The following TULP4 variants were observed in gnomAD, a reference collection of about 807,000 sequenced individuals.
TULP4 encodes the protein TUB like protein 4.
A neutral mutation model predicts 129.0 loss-of-function variants in TULP4; 16 were observed. The ratio of observed to expected loss-of-function variants is 0.12; its 90% CI spans 0.08 to 0.19. The LOEUF (loss-of-function observed/expected upper bound fraction) is 0.19, where lower values mean the gene tolerates loss of function less well. TULP4 is among the 10% of genes least tolerant of loss of function. The probability of loss-of-function intolerance (pLI) is 1.00; values close to 1 mark genes in which losing one functional copy is unlikely to be tolerated. For synonymous variants in TULP4, 998 were observed against 854.0 expected, an observed-to-expected ratio of 1.17 and a Z score of -2.94; for missense variants, 1,842 against 2,059.1, an observed-to-expected ratio of 0.89 and a Z score of 2.04.
intron 1 of TULP4, among the ~76,000 whole-genome samples, chr6:158,334,149 A>T (rs1398400010): frequency 6.6e-6 from 1 of 152,314 alleles, no homozygotes; most frequent in East Asian, 1.9e-4. Context: ...TTCGTGCAAT[A>T]CTGTAAACCT....
chr6:158,461,511 G>T, intron 5 of TULP4, 52 bp from the exon 6 acceptor site: 1 of 1,565,222 alleles, frequency 6.4e-7, no homozygotes, highest in South Asian at 1.2e-5. Flanking sequence ...TTGCTGAGTG[G>T]CAGTTTGAGG....
At chr6:158,467,694 C>T (rs988552991) in intron 6 of TULP4, among the ~76,000 whole-genome samples, 1 of 152,308 alleles carries the variant, frequency 6.6e-6, no homozygotes, top group Middle Eastern at 3.4e-3. Context: ...TTCATTGTGC[C>T]TTAAAAAGAT....
At chr6:158,478,139 C>G (rs1779863764) in intron 6 of TULP4, among the ~76,000 whole-genome samples, 1 of 152,124 alleles carries the variant, frequency 6.6e-6, no homozygotes. Context: ...AGAAAAAATG[C>G]CTGTCGGGTA....
At chr6:158,495,489 G>T (rs1234780169) in intron 11 of TULP4, among the ~76,000 whole-genome samples, 2 of 152,212 alleles carry the variant, frequency 1.3e-5, no homozygotes, top group Non-Finnish European at 2.9e-5. Flanking sequence ...GCCTTTTGCT[G>T]TGGGCGGATT....
intron 5 of TULP4, among the ~76,000 whole-genome samples, chr6:158,452,630 G>T (rs993429409): frequency 6.6e-6 from 1 of 152,200 alleles, no homozygotes; most frequent in African/African-American, 2.4e-5. Context: ...AGCAGATGGT[G>T]CACAAGACAT....
chr6:158,346,618 A>G (rs1433639745), intron 1 of TULP4, among the ~76,000 whole-genome samples: 2 of 152,364 alleles, frequency 1.3e-5, no homozygotes, highest in South Asian at 2.1e-4. Context: ...TAAAAAAAGC[A>G]TCTGTAACTT....
chr6:158,387,802 C>G (rs891115131), intron 1 of TULP4, among the ~76,000 whole-genome samples: 1 of 152,192 alleles, frequency 6.6e-6, no homozygotes, highest in African/African-American at 2.4e-5. Context: ...GAGCAAGACT[C>G]TAAAGCCACC....
At chr6:158,412,977 A>G in intron 1 of TULP4, 88 bp from the exon 2 acceptor site, 2 of 1,496,778 alleles carry the variant, frequency 1.3e-6, no homozygotes, top group Admixed American at 2.1e-5. Flanking sequence ...ACTGCATTCT[A>G]ATTAGTTCAA....
At chr6:158,270,294 C>T (rs549098391) in intron 1 of TULP4, among the ~76,000 whole-genome samples, 1 of 152,344 alleles carries the variant, frequency 6.6e-6, no homozygotes, top group South Asian at 2.1e-4. Context: ...GCATCATCAT[C>T]TGAAGACCCT....
At position 158,502,105 on chromosome 6, in the gene TULP4, G is replaced by A. The variant is rs1171105220; in HGVS notation, c.2442G>A (p.Glu814=). 1.9e-6 allele frequency: 3 copies of A among 1,610,786 alleles called. No homozygotes were observed. Among genetic ancestry groups the A allele is most frequent in the South Asian group, 2.2e-5 (2 of 90,474 alleles). ...ALRPTPQLAA[E]GDAVVFSAPQ... is the part of the protein sequence containing the mutation. ...GGCCAACACCGCAGCTGGCAGCTGA[G>A]GGGGACGCAGTGGTCTTTAGTGCCC... is the stretch of plus-strand genomic sequence containing the variant. The change falls in exon 13 of 14, where the codon GAG becomes GAA. Residue 814 remains glutamate, a synonymous_variant. Transcript: ENST00000367097.
rs113312118 is a variant in TULP4, at chr6:158,438,566, A to T, written c.543+8669A>T. Among the ~76,000 whole-genome samples the T allele has an allele frequency of 5.1e-3, 726 of 141,912 alleles. 8 individuals are homozygous for T. Among genetic ancestry groups the T allele is most frequent in the African/African-American group, 0.019 (695 of 37,550 alleles). 93.1% of individuals were successfully genotyped at this position (141,912 alleles called of 152,430 possible). A position where few individuals can be genotyped will look rare whatever the true frequency, so the allele number is the denominator to read the frequency against. On this transcript the variant is annotated intron_variant, in intron 3 of 13. Coordinates refer to ENST00000367097, the MANE Select transcript of TULP4 (RefSeq NM_020245.5). Reference sequence around the variant, plus strand: ...TTGCTTTCTCAGCTAAAAACACCACAGTTTGTTTGTTTGTTTGTTTGTTTG... The same window carrying T: ...TTGCTTTCTCAGCTAAAAACACCACTGTTTGTTTGTTTGTTTGTTTGTTTG...
At chr6:158,383,239 C>G (rs1777369165) in intron 1 of TULP4, among the ~76,000 whole-genome samples, 1 of 152,186 alleles carries the variant, frequency 6.6e-6, no homozygotes, top group Non-Finnish European at 1.5e-5. Context: ...CCTCCCTGCT[C>G]TCACAAAGCT....
At chr6:158,481,565 C>T in intron 8 of TULP4, 1 of 507,970 alleles carries the variant, frequency 2.0e-6, no homozygotes, top group Admixed American at 3.2e-5. Flanking sequence ...CGCAGTCCTC[C>T]TGGGAGTGAG....
intron 1 of TULP4, among the ~76,000 whole-genome samples, chr6:158,396,930 G>A (rs530350123): frequency 2.0e-4 from 30 of 152,278 alleles, no homozygotes; most frequent in African/African-American, 7.0e-4. Flanking sequence ...CGGGCTGCGT[G>A]GTTTTACATG....
intron 3 of TULP4, among the ~76,000 whole-genome samples, chr6:158,444,037 G>A (rs827956): frequency 0.32 from 48,585 of 151,294 alleles, 9,580 homozygotes; most frequent in Middle Eastern, 0.45. Flanking sequence ...GGCTAACACG[G>A]TGAAACCCCG....
At chr6:158,318,529 A>G (rs1313290974) in intron 1 of TULP4, among the ~76,000 whole-genome samples, 3 of 152,184 alleles carry the variant, frequency 2.0e-5, no homozygotes, top group Admixed American at 2.0e-4. Flanking sequence ...TTTCCATTTT[A>G]TAGGGAAGAA....
chr6:158,446,944 C>T (rs1779060462), intron 3 of TULP4, among the ~76,000 whole-genome samples: 1 of 152,160 alleles, frequency 6.6e-6, no homozygotes, highest in Non-Finnish European at 1.5e-5. Context: ...AAGACCTTAC[C>T]TCCAAATACC....
chr6:158,364,456 C>G (rs1345151925), intron 1 of TULP4, among the ~76,000 whole-genome samples: 2 of 152,108 alleles, frequency 1.3e-5, no homozygotes, highest in African/African-American at 4.8e-5. Context: ...CTTAGAGTAA[C>G]TATCTATAGA....
At chr6:158,273,637 C>T (rs1363421265) in intron 1 of TULP4, among the ~76,000 whole-genome samples, 2 of 152,188 alleles carry the variant, frequency 1.3e-5, no homozygotes, top group Non-Finnish European at 2.9e-5. Context: ...ATTACTGCCA[C>T]CACCAATTGG....
Sources: allele counts gnomAD v4.1 joint callset (sites outside exome capture counted in the v4.1 genomes callset), GRCh38; gene constraint gnomAD v4.1.1; transcripts MANE v1.5; gene names NCBI Gene and HGNC (gene_info 2026-07-23, HGNC 2026-07-21).